The following OOSP1 variants were observed in gnomAD, a reference collection of about 807,000 sequenced individuals.
The protein encoded by OOSP1 is putative oocyte-secreted protein 1 homolog.
Under a neutral mutation model 5.7 loss-of-function variants are expected in OOSP1, and 11 were observed. That is an observed-to-expected ratio of 1.94 (90% CI 1.22 to 3.20). OOSP1 has a LOEUF of 3.20. Among genes scored for constraint, OOSP1 ranks in the 30% most tolerant of loss-of-function variants. The pLI is 0.00. For missense variants in OOSP1, 83 were observed against 54.1 expected, an observed-to-expected ratio of 1.53 and a Z score of -1.67; for synonymous variants, 44 against 20.0, an observed-to-expected ratio of 2.20 and a Z score of -3.20.
chr11:59,938,499 C>T, exon 1 of OOSP1: 1 of 627,470 alleles, frequency 1.6e-6, no homozygotes, highest in Non-Finnish European at 2.9e-6. Flanking sequence ...ATCTGCATTC[C>T]TTGATATGGA....
At chr11:59,956,300 G>A (rs557567282) in intron 4 of OOSP1, among the ~76,000 whole-genome samples, 2 of 152,110 alleles carry the variant, frequency 1.3e-5, no homozygotes, top group Non-Finnish European at 2.9e-5. Context: ...CCTTGGCTGA[G>A]GACATTTGCC....
rs1311947400 is a variant in OOSP1, at chr11:59,947,726, A to G, written c.357-7A>G. 1.5e-5 allele frequency: 6 copies of G among 398,560 alleles called. No individual in the cohort carries two copies. Among genetic ancestry groups the G allele is most frequent in the Non-Finnish European group, 2.7e-5 (6 of 225,826 alleles). 24.7% of individuals were successfully genotyped at this position (398,560 alleles called of 1,614,324 possible). The stretch of plus-strand genomic sequence containing the variant: ...ATGTGATATTTTTCTATCTTCTCTT[A>G]TTTTAGTCAGCATCATCTTTTAAAT... On this transcript the variant is annotated splice_polypyrimidine_tract_variant and splice_region_variant and intron_variant, in intron 3 of 4. Transcript: ENST00000646685.
exon 5 of OOSP1, chr11:59,957,384 C>CT: frequency 2.6e-6 from 1 of 391,490 alleles, no homozygotes; most frequent in Non-Finnish European, 4.5e-6. Context: ...CCTGGAATGT[C>CT]TGTTTAATGA....
chr11:59,947,762 T>C (rs1335896186), exon 4 of OOSP1: 1 of 398,718 alleles, frequency 2.5e-6, no homozygotes. Flanking sequence ...GCAGTTGAAA[T>C]GAGAGATGGG....
chr11:59,938,666 T>C (rs1379527308), intron 1 of OOSP1, 136 bp downstream of exon 1: 2 of 402,904 alleles, frequency 5.0e-6, no homozygotes, highest in East Asian at 3.6e-5. Context: ...CTCTTTTCGA[T>C]GTGCAATCTT....
In OOSP1 at chr11:59,957,250, T is replaced by G. The variant is rs1375887573; in HGVS notation, c.542T>G (p.Leu181Ter). ...CTGCTAATATTTATCTCAAGAACAT[T>G]ACCAAGGCGATGACTCATGCATATT... Residue 181 changes from leucine (L) to a stop codon, truncating the protein, a stop_gained, in exon 5 of 5, where the codon TTA becomes TGA. Coordinates refer to ENST00000646685, the Ensembl canonical transcript of OOSP1. LOFTEE classifies it high-confidence loss of function. The G allele has an allele frequency of 1.0e-5, 4 of 397,922 alleles. No individual in the cohort carries two copies. In the Admixed American group the frequency reaches 1.3e-4, roughly 13 times the overall value. 24.6% of individuals were successfully genotyped at this position (397,922 alleles called of 1,614,324 possible). A position where few individuals can be genotyped will look rare whatever the true frequency, so the allele number is the denominator to read the frequency against.
chr11:59,956,699 T>C (rs1447866013), intron 4 of OOSP1, among the ~76,000 whole-genome samples: 1 of 152,110 alleles, frequency 6.6e-6, no homozygotes, highest in Non-Finnish European at 1.5e-5. Context: ...CTTTTATCCC[T>C]TGCCCCTTTC....
intron 1 of OOSP1, among the ~76,000 whole-genome samples, chr11:59,942,277 A>G (rs75473919): frequency 6.6e-6 from 1 of 152,186 alleles, no homozygotes; most frequent in Non-Finnish European, 1.5e-5. Context: ...AATTATTTCC[A>G]TTTCCAGAGT....
chr11:59,957,407 C>T (rs1854003276), exon 5 of OOSP1: 1 of 388,308 alleles, frequency 2.6e-6, no homozygotes, highest in Non-Finnish European at 4.5e-6. Flanking sequence ...ATACTGGTTT[C>T]TGTTTTAAAA....
chr11:59,944,641 T>C (rs1180505209), intron 2 of OOSP1, among the ~76,000 whole-genome samples: 4 of 152,128 alleles, frequency 2.6e-5, no homozygotes, highest in Non-Finnish European at 5.9e-5. Context: ...CCCACCCCCC[T>C]GAAAACAGCT....
intron 2 of OOSP1, 64 bp from the exon 3 acceptor site, chr11:59,945,105 T>A: frequency 1.4e-6 from 1 of 693,808 alleles, no homozygotes; most frequent in South Asian, 1.5e-5. Context: ...CCTATTTAAA[T>A]GCCTGTAAGT....
intron 4 of OOSP1, among the ~76,000 whole-genome samples, chr11:59,950,920 T>A (rs1216156981): frequency 6.6e-6 from 1 of 152,072 alleles, no homozygotes; most frequent in African/African-American, 2.4e-5. Context: ...CATGAATTTC[T>A]GAATACTTTT....
At chr11:59,942,961 C>T (rs1054749820) in exon 2 of OOSP1, 7 of 702,802 alleles carry the variant, frequency 1.0e-5, no homozygotes, top group South Asian at 3.0e-5. Context: ...TGCCATGTAA[C>T]CCATGTTTTG....
chr11:59,950,583 GGA>G (rs1484806661), intron 4 of OOSP1, among the ~76,000 whole-genome samples: 1 of 152,142 alleles, frequency 6.6e-6, no homozygotes, highest in Non-Finnish European at 1.5e-5. Context: ...CCGTGCAGGT[GGA>G]GTTGTCAGCT....
At chr11:59,950,841 A>G (rs751972544) in intron 4 of OOSP1, among the ~76,000 whole-genome samples, 1 of 152,094 alleles carries the variant, frequency 6.6e-6, no homozygotes, top group Non-Finnish European at 1.5e-5. Context: ...TGTAGGGGAA[A>G]GTGGAGACAG....
chr11:59,938,470 G>T, exon 1 of OOSP1: 1 of 625,604 alleles, frequency 1.6e-6, no homozygotes, highest in Non-Finnish European at 2.9e-6. Context: ...GACCATTCTG[G>T]GGTTCAAAGG....
At chr11:59,940,120 G>A (rs1853810387) in intron 1 of OOSP1, among the ~76,000 whole-genome samples, 1 of 152,230 alleles carries the variant, frequency 6.6e-6, no homozygotes, top group African/African-American at 2.4e-5. Context: ...CGTTCAACAA[G>A]ACAACCTAGA....
intron 2 of OOSP1, among the ~76,000 whole-genome samples, chr11:59,944,932 T>A (rs1424400717): frequency 6.6e-6 from 1 of 152,228 alleles, no homozygotes; most frequent in Non-Finnish European, 1.5e-5. Flanking sequence ...AGCTCCTTTC[T>A]CTTTTAACTA....
intron 4 of OOSP1, among the ~76,000 whole-genome samples, chr11:59,954,048 A>T (rs1343878666): frequency 6.6e-6 from 1 of 152,216 alleles, no homozygotes; most frequent in Non-Finnish European, 1.5e-5. Flanking sequence ...TGTTGCTTCT[A>T]GGATACAAAC....
Sources: allele counts gnomAD v4.1 joint callset (sites outside exome capture counted in the v4.1 genomes callset), GRCh38; gene constraint gnomAD v4.1.1; transcripts MANE v1.5; gene names NCBI Gene and HGNC (gene_info 2026-07-23, HGNC 2026-07-21).